Variants in SEMA6D observed in about 807,000 individuals in gnomAD.
The protein encoded by SEMA6D is semaphorin-6D.
SEMA6D carries 35 observed loss-of-function variants against 106.6 expected under a neutral mutation model. The observed-to-expected ratio is 0.33, with a 90% CI of 0.25 to 0.44. The LOEUF (loss-of-function observed/expected upper bound fraction) is 0.44, where lower values mean the gene tolerates loss of function less well. SEMA6D is among the 20% of genes least tolerant of loss of function. The probability of loss-of-function intolerance (pLI) is 1.00; values close to 1 mark genes in which losing one functional copy is unlikely to be tolerated. For synonymous variants in SEMA6D, 499 were observed against 487.7 expected (o/e 1.02, Z -0.31); for missense variants, 1,185 against 1,345.9 (o/e 0.88, Z 1.87).
intron 2 of SEMA6D, among the ~76,000 whole-genome samples, chr15:47,441,192 T>C (rs1384408875): frequency 6.6e-6 from 1 of 152,118 alleles, no homozygotes; most frequent in Admixed American, 6.6e-5. Context: ...AGATCACCTG[T>C]CCTTCCAGAC....
chr15:47,224,324 A>G (rs1180913207), intron 1 of SEMA6D, among the ~76,000 whole-genome samples: 3 of 152,018 alleles, frequency 2.0e-5, no homozygotes, highest in African/African-American at 7.2e-5. Flanking sequence ...TACCATTGGA[A>G]TTGATTCTTT....
At chr15:47,641,146 C>T (rs73392817) in intron 4 of SEMA6D, among the ~76,000 whole-genome samples, 5,233 of 152,312 alleles carry the variant, frequency 0.034, 299 homozygotes, top group African/African-American at 0.12. Flanking sequence ...ATTCCTCTCG[C>T]ATCCCCTTCC....
At chr15:47,474,080 G>A (rs1206343225) in intron 3 of SEMA6D, among the ~76,000 whole-genome samples, 2 of 152,162 alleles carry the variant, frequency 1.3e-5, no homozygotes, top group African/African-American at 4.8e-5. Flanking sequence ...CTAGCTGGCT[G>A]GACCTTGGAA....
Position 47,427,409 on chromosome 15 carries a change from G to A in SEMA6D, c.-159+14937G>A, listed in dbSNP as rs919386756. 6.6e-5 allele frequency among the ~76,000 whole-genome samples: 10 copies of A among 152,270 alleles called. No homozygotes were observed. The East Asian group carries it at 1.7e-3, about 27-fold the overall frequency. ...CACAGCAGCAGGTTAAATGCGCTGA[G>A]AAATATTACATTTTAACATGTTTTA... On this transcript the variant is annotated intron_variant, in intron 2 of 19. Coordinates refer to the SEMA6D transcript ENST00000558014.
intron 2 of SEMA6D, among the ~76,000 whole-genome samples, chr15:47,448,380 G>A (rs2042090277): frequency 1.3e-5 from 2 of 151,876 alleles, no homozygotes; most frequent in South Asian, 2.1e-4. Flanking sequence ...TGAGGCTTCA[G>A]TGATTTGTGG....
chr15:47,254,116 A>G (rs1176883949), intron 1 of SEMA6D, among the ~76,000 whole-genome samples: 1 of 151,288 alleles, frequency 6.6e-6, no homozygotes, highest in Non-Finnish European at 1.5e-5. Context: ...AGCTATTGGA[A>G]TTACTTTTAT....
At chr15:47,575,156 T>G (rs2076134169) in intron 3 of SEMA6D, among the ~76,000 whole-genome samples, 1 of 152,212 alleles carries the variant, frequency 6.6e-6, no homozygotes, top group Admixed American at 6.5e-5. Context: ...TGAAACAAAT[T>G]AATCGCATCA....
intron 18 of SEMA6D, 117 bp downstream of exon 18, chr15:47,768,865 C>T: frequency 1.2e-6 from 1 of 865,372 alleles, no homozygotes; most frequent in Non-Finnish European, 1.7e-6. Context: ...GGTTGTACCT[C>T]CACCGCCCCT....
intron 4 of SEMA6D, among the ~76,000 whole-genome samples, chr15:47,640,456 G>GA (rs2077467985): frequency 6.6e-6 from 1 of 152,172 alleles, no homozygotes; most frequent in South Asian, 2.1e-4. Context: ...GTGAACTTGT[G>GA]AAATTATCTG....
intron 4 of SEMA6D, among the ~76,000 whole-genome samples, chr15:47,688,827 C>T (rs1033714681): frequency 6.6e-6 from 1 of 152,134 alleles, no homozygotes; most frequent in Non-Finnish European, 1.5e-5. Flanking sequence ...TTTCTACACA[C>T]ATTACCAATA....
At chr15:47,297,624 A>G (rs1425410632) in intron 1 of SEMA6D, among the ~76,000 whole-genome samples, 1 of 152,178 alleles carries the variant, frequency 6.6e-6, no homozygotes, top group Admixed American at 6.5e-5. Flanking sequence ...GCAGGGACTT[A>G]TAGGTTTCTC....
At chr15:47,395,014 A>G (rs753986621) in intron 1 of SEMA6D, among the ~76,000 whole-genome samples, 4 of 152,044 alleles carry the variant, frequency 2.6e-5, no homozygotes, top group Non-Finnish European at 2.9e-5. Context: ...CTGAGATGCC[A>G]TGTCCCCAAA....
At chr15:47,592,827 A>G (rs547430504) in intron 3 of SEMA6D, among the ~76,000 whole-genome samples, 1 of 152,338 alleles carries the variant, frequency 6.6e-6, no homozygotes, top group East Asian at 1.9e-4. Context: ...AACTGCATAT[A>G]TATTGCTTTG....
At chr15:47,618,459 C>T (rs1208381539) in intron 4 of SEMA6D, among the ~76,000 whole-genome samples, 85 of 152,220 alleles carry the variant, frequency 5.6e-4, no homozygotes, top group Non-Finnish European at 4.4e-5. Context: ...ACACAAGCCT[C>T]TGAAAAGTAA....
chr15:47,699,539 C>G (rs897271555), intron 4 of SEMA6D, among the ~76,000 whole-genome samples: 1 of 152,134 alleles, frequency 6.6e-6, no homozygotes, highest in South Asian at 2.1e-4. Context: ...ATTAACAGAT[C>G]GGCAAAGCAA....
chr15:47,270,002 A>C (rs2034487891), intron 1 of SEMA6D, among the ~76,000 whole-genome samples: 1 of 151,610 alleles, frequency 6.6e-6, no homozygotes, highest in African/African-American at 2.4e-5. Context: ...GAGTCAGATA[A>C]ATTTATTTAG....
chr15:47,468,185 G>A (rs558694537), intron 2 of SEMA6D, among the ~76,000 whole-genome samples: 2 of 152,196 alleles, frequency 1.3e-5, no homozygotes, highest in South Asian at 2.1e-4. Context: ...GTGCGGGTGT[G>A]TGTGTGTGTA....
At chr15:47,502,056 G>A (rs1017144134) in intron 3 of SEMA6D, among the ~76,000 whole-genome samples, 1 of 152,000 alleles carries the variant, frequency 6.6e-6, no homozygotes. Flanking sequence ...AATATCTCCT[G>A]ATGTTTCCTC....
At position 47,298,867 on chromosome 15, in the gene SEMA6D, T is replaced by C. The variant is rs2035908696; in HGVS notation, c.-238-113526T>C. On this transcript the variant is annotated intron_variant, in intron 1 of 19. Transcript: ENST00000558014. ...TAATGAAGATAATAATATTAACTTA[T>C]ATTAATTGAGTCTTTACCTTGCTTT... 2.6e-5 allele frequency among the ~76,000 whole-genome samples: 4 copies of C among 152,346 alleles called. No homozygotes were observed. In the South Asian group the frequency reaches 6.2e-4, roughly 24 times the overall value.
Sources: gnomAD v4.1 joint callset for allele counts (sites outside exome capture counted in the v4.1 genomes callset) on GRCh38, gnomAD v4.1.1 for gene constraint, MANE v1.5 for transcripts, NCBI Gene and HGNC (gene_info 2026-07-23, HGNC 2026-07-21) for gene names.